Variants in PHC2 observed in about 807,000 individuals in gnomAD.
PHC2 encodes polyhomeotic homolog 2.
In PHC2, 29 loss-of-function variants were observed where a neutral mutation model predicts 87.4. That is an observed-to-expected ratio of 0.33 (90% confidence interval 0.25 to 0.45). PHC2 has a LOEUF of 0.45. Among genes scored for constraint, PHC2 ranks in the 20% least tolerant of loss-of-function variants. PHC2 has a pLI of 1.00. For missense variants in PHC2, 857 were observed against 1,136.7 expected (o/e 0.75, Z 3.54); for synonymous variants, 438 against 461.7 (o/e 0.95, Z 0.66).
At position 33,395,965 on chromosome 1, in the gene PHC2, A is replaced by G. The variant is rs192911978; in HGVS notation, c.-54-20372T>C. Among the ~76,000 whole-genome samples, 7 of 152,346 alleles carry G rather than the reference A, an allele frequency of 4.6e-5. No individual in the cohort carries two copies. In the East Asian group the frequency reaches 7.7e-4, roughly 17 times the overall value. On this transcript the variant is annotated intron_variant, in intron 1 of 14. Coordinates refer to ENST00000683057, the MANE Select transcript of PHC2 (RefSeq NM_001385109.1). Reference sequence around the variant, plus strand: ...CATACAAAAACACTGTGGCCTACTTATCACTGGACTTATGTAGGACACGTC... The same window carrying G: ...CATACAAAAACACTGTGGCCTACTTGTCACTGGACTTATGTAGGACACGTC...
Position 33,373,403 on chromosome 1 carries a change from G to A in PHC2, c.175-956C>T, listed in dbSNP as rs555258665. 1.3e-3 allele frequency among the ~76,000 whole-genome samples: 199 copies of A among 152,204 alleles called. 3 individuals carry two copies. Among genetic ancestry groups the A allele is most frequent in the Admixed American group, 4.5e-3 (69 of 15,302 alleles). On this transcript the variant is annotated intron_variant, in intron 2 of 14. Coordinates refer to ENST00000683057, the MANE Select transcript of PHC2 (RefSeq NM_001385109.1). ...CCCAAAGTGCTGGGATTACAGGCGT[G>A]AGCCACTGTGCCCGGCCCCCTTTAA...
chr1:33,417,552 A>G (rs1350164292), intron 1 of PHC2, among the ~76,000 whole-genome samples: 2 of 152,124 alleles, frequency 1.3e-5, no homozygotes, highest in Non-Finnish European at 2.9e-5. Context: ...TCTTATAATG[A>G]TAAAGGGGCA....
intron 1 of PHC2, among the ~76,000 whole-genome samples, chr1:33,428,366 T>G (rs1650767231): frequency 2.6e-5 from 4 of 152,228 alleles, no homozygotes. Context: ...GTATCATCAA[T>G]CTTAGCAGAC....
In PHC2 at chr1:33,384,323, G is replaced by C. The variant is rs191689475; in HGVS notation, c.-54-8730C>G. On this transcript the variant is annotated intron_variant, in intron 1 of 14. Coordinates refer to ENST00000683057, the MANE Select transcript of PHC2 (RefSeq NM_001385109.1). ...TGAAGCATGAGAGCCACTGCTCTAA[G>C]GGGCCCCACTATCCATTTGAATATG... 2.1e-4 allele frequency among the ~76,000 whole-genome samples: 32 copies of C among 152,316 alleles called. No individual in the cohort carries two copies. In the East Asian group the frequency reaches 5.0e-3, roughly 24 times the overall value.
At chr1:33,409,664 G>T (rs1649906698) in intron 1 of PHC2, among the ~76,000 whole-genome samples, 1 of 152,136 alleles carries the variant, frequency 6.6e-6, no homozygotes, top group Non-Finnish European at 1.5e-5. Flanking sequence ...ATCACTGGTT[G>T]GCAGAGAAGT....
intron 1 of PHC2, among the ~76,000 whole-genome samples, chr1:33,402,953 C>A (rs1428348258): frequency 1.3e-5 from 2 of 150,652 alleles, no homozygotes; most frequent in African/African-American, 4.9e-5. Flanking sequence ...GGACTACAGG[C>A]GCCTGCCACC....
intron 4 of PHC2, among the ~76,000 whole-genome samples, chr1:33,370,797 C>T (rs1647778430): frequency 1.3e-5 from 2 of 152,188 alleles, no homozygotes; most frequent in South Asian, 4.1e-4. Context: ...GTTGAGAGAA[C>T]TGAGCTATCC....
chr1:33,394,033 G>GT (rs1649193770), intron 1 of PHC2, among the ~76,000 whole-genome samples: 1 of 152,180 alleles, frequency 6.6e-6, no homozygotes, highest in East Asian at 1.9e-4. Flanking sequence ...TATCCTGGGG[G>GT]TTGGGGAGGG....
Position 33,323,879 on chromosome 1 carries a change from C to T in PHC2, c.*986G>A, listed in dbSNP as rs1186148442. ...GGAGTGGGAGGCCAAGAGCTGCCTT[C>T]TTCACATCAACAGAAACTCCAGCTG... On this transcript the variant is annotated 3_prime_UTR_variant, in exon 15 of 15. Transcript: ENST00000683057. 1 of 152,458 alleles carries T rather than the reference C, an allele frequency of 6.6e-6. No homozygotes were observed. Among genetic ancestry groups the T allele is most frequent in the Non-Finnish European group, 1.5e-5 (1 of 68,064 alleles). The allele number at this position is 152,458 out of a possible 1,614,324, so 9.4% of individuals were successfully genotyped here. A position where few individuals can be genotyped will look rare whatever the true frequency, so the allele number is the denominator to read the frequency against.
At chr1:33,326,691 C>T (rs1033442266) in intron 14 of PHC2, among the ~76,000 whole-genome samples, 6 of 152,184 alleles carry the variant, frequency 3.9e-5, no homozygotes, top group Non-Finnish European at 5.9e-5. Context: ...CAGTGGCTCA[C>T]GCCTATAATC....
chr1:33,335,975 T>TTTGTTGTTGTTG (rs112382571), intron 9 of PHC2, among the ~76,000 whole-genome samples: 2 of 149,358 alleles, frequency 1.3e-5, no homozygotes, highest in Admixed American at 6.6e-5. Flanking sequence ...AGCTCATGTT[T>TTTGTTGTTGTTG]TTGTTGTTGT....
chr1:33,360,300 C>T (rs2148300242), intron 7 of PHC2, among the ~76,000 whole-genome samples: 1 of 152,362 alleles, frequency 6.6e-6, no homozygotes, highest in Non-Finnish European at 1.5e-5. Context: ...TTGCTGTGTA[C>T]AGGATACTTT....
chr1:33,325,088 C>G, intron 14 of PHC2, 69 bp from the exon 15 acceptor site: 4 of 1,399,632 alleles, frequency 2.9e-6, no homozygotes, highest in Non-Finnish European at 3.9e-6. Context: ...GCCACTGCAT[C>G]TAGTTATCTA....
Position 33,354,649 on chromosome 1 carries a change from TG to T in PHC2, c.1393-84del. 3 of 1,454,692 alleles carry T rather than the reference TG, an allele frequency of 2.1e-6. No homozygotes were observed. The South Asian group carries it at 4.0e-5, about 19-fold the overall frequency. 90.1% of individuals were successfully genotyped at this position (1,454,692 alleles called of 1,614,324 possible). ...ATACTTCCCTGGTTTCCATGGAGCT[TG>T]GGAAGCAGGTAAGGACCTTAAGATT... On this transcript the variant is annotated intron_variant, in intron 8 of 14. Coordinates refer to ENST00000683057, the MANE Select transcript of PHC2 (RefSeq NM_001385109.1).
Position 33,332,341 on chromosome 1 carries a change from C to T in PHC2, c.1825G>A (p.Glu609Lys), listed in dbSNP as rs1185714114. The change falls in exon 11 of 15, where the codon GAG (glutamate) becomes AAG (lysine). Residue 609 changes from glutamate to lysine, a missense_variant. Glu to Lys is a moderately conservative substitution (Grantham distance 56). This residue lies in a region of PHC2 where 832 missense variants were observed against 1,081.8 expected (regional missense o/e 0.77). Transcript: ENST00000683057. This position sits in a 1 kb window ranked among gnomAD's most constrained non-coding sequence, Gnocchi z 4.2. The stretch of plus-strand genomic sequence containing the variant: ...GTGTGATCCTGCTGTGGAAGTTTCT[C>T]AGGCAGGAACCCCTGTGCATACTTC... ...KKKYAQGFLP[E>K]KLPQQDHTTT... 3.7e-6 allele frequency: 6 copies of T among 1,614,056 alleles called. No homozygotes were observed. The highest frequency in any genetic ancestry group is 2.7e-5 in the African/African-American group (2 of 74,930).
chr1:33,393,425 T>G (rs991912522), intron 1 of PHC2, among the ~76,000 whole-genome samples: 3 of 151,322 alleles, frequency 2.0e-5, no homozygotes, highest in Non-Finnish European at 4.4e-5. Flanking sequence ...AACAAAACAA[T>G]GAGAGAAGCC....
Position 33,349,506 on chromosome 1 carries a change from G to A in PHC2, c.1558+4895C>T, listed in dbSNP as rs1204868018. On this transcript the variant is annotated intron_variant, in intron 9 of 14. Transcript: ENST00000683057. This position sits in a 1 kb window ranked among gnomAD's most constrained non-coding sequence, Gnocchi z 4.2. The stretch of plus-strand genomic sequence containing the variant: ...AGCCGCGTAGGCCCGGGCCGTTAGG[G>A]GCACCGAGGGCGGTGCCCGACTTCC... The A allele has an allele frequency of 6.1e-6, 6 of 984,902 alleles. No individual in the cohort carries two copies. In the Admixed American group the frequency reaches 1.8e-4, roughly 30 times the overall value. 61.0% of individuals were successfully genotyped at this position (984,902 alleles called of 1,614,324 possible).
intron 1 of PHC2, among the ~76,000 whole-genome samples, chr1:33,388,490 A>T (rs1648878946): frequency 6.6e-6 from 1 of 151,696 alleles, no homozygotes; most frequent in Non-Finnish European, 1.5e-5. Flanking sequence ...CGCCCAGCTA[A>T]TTTTTTGTAT....
intron 7 of PHC2, among the ~76,000 whole-genome samples, chr1:33,357,791 G>A (rs1465070506): frequency 6.6e-6 from 1 of 152,188 alleles, no homozygotes; most frequent in African/African-American, 2.4e-5. Flanking sequence ...GGCCCCCACA[G>A]CCAAAATGAT....
Sources: gnomAD v4.1 joint callset for allele counts (sites outside exome capture counted in the v4.1 genomes callset) on GRCh38, gnomAD v4.1.1 for gene constraint, gnomAD v4.1.1 regional missense constraint, Gnocchi (gnomAD v3.1) non-coding constraint, MANE v1.5 for transcripts, NCBI Gene and HGNC (gene_info 2026-07-23, HGNC 2026-07-21) for gene names.